CPB2: variants seen among roughly 807,000 people sequenced by gnomAD.
CPB2 encodes the protein carboxypeptidase B2.
A neutral mutation model predicts 57.0 loss-of-function variants in CPB2; 54 were observed. That is an observed-to-expected ratio of 0.95 (90% confidence interval 0.76 to 1.19). CPB2 has a LOEUF of 1.19. CPB2 is among the 50% of genes most tolerant of loss of function. The pLI, the probability that CPB2 is intolerant of heterozygous loss-of-function variation, is 0.00. For missense variants in CPB2, 426 were observed against 512.0 expected, an observed-to-expected ratio of 0.83 and a Z score of 1.62; for synonymous variants, 189 against 178.1, an observed-to-expected ratio of 1.06 and a Z score of -0.49.
chr13:46,071,338 A>G (rs1024185824), intron 6 of CPB2, among the ~76,000 whole-genome samples: 2 of 152,234 alleles, frequency 1.3e-5, no homozygotes, highest in African/African-American at 4.8e-5. Context: ...CAGGAAATTA[A>G]GAAGTTACAT....
intron 8 of CPB2, among the ~76,000 whole-genome samples, chr13:46,058,758 A>G (rs865902132): frequency 7.2e-5 from 11 of 152,346 alleles, no homozygotes; most frequent in African/African-American, 2.6e-4. Context: ...TAAAGCTACC[A>G]TCAATATAGC....
intron 2 of CPB2, among the ~76,000 whole-genome samples, chr13:46,085,161 T>C (rs1236907852): frequency 6.6e-6 from 1 of 152,192 alleles, no homozygotes; most frequent in Non-Finnish European, 1.5e-5. Context: ...TTCAAAGCAC[T>C]TTCACACTCA....
chr13:46,096,840 G>C lies in CPB2; in HGVS notation c.74+8096C>G, dbSNP rs912800339. Among the ~76,000 whole-genome samples, 5 of 152,196 alleles carry C rather than the reference G, an allele frequency of 3.3e-5. 1 individual carries two copies. Among genetic ancestry groups the C allele is most frequent in the South Asian group, 4.1e-4 (2 of 4,832 alleles). On this transcript the variant is annotated intron_variant, in intron 1 of 10. Coordinates refer to ENST00000181383, the MANE Select transcript of CPB2 (RefSeq NM_001872.5). ...TGGACTCACTCGGGTGACCGAAAGA[G>C]AGCAGAGAGGGAAATCGTCCCAAAT...
intron 2 of CPB2, 68 bp downstream of exon 2, chr13:46,087,677 G>GTAAGCC: frequency 2.0e-6 from 2 of 1,011,458 alleles, no homozygotes; most frequent in Non-Finnish European, 3.1e-6. Flanking sequence ...CAACATACAG[G>GTAAGCC]AGGAAACTCA....
intron 2 of CPB2, 44 bp downstream of exon 2, chr13:46,087,701 A>G (rs557234457): frequency 3.7e-6 from 5 of 1,361,302 alleles, no homozygotes; most frequent in South Asian, 2.4e-5. Context: ...CCCAGTGCTT[A>G]TACAAAGTGA....
intron 1 of CPB2, among the ~76,000 whole-genome samples, chr13:46,097,848 A>G (rs541188185): frequency 2.0e-5 from 3 of 152,298 alleles, no homozygotes; most frequent in Admixed American, 6.5e-5. Flanking sequence ...CTTTAAATCT[A>G]CAAATATGGA....
intron 6 of CPB2, among the ~76,000 whole-genome samples, chr13:46,072,407 C>T (rs2044956461): frequency 6.6e-6 from 1 of 152,022 alleles, no homozygotes; most frequent in Non-Finnish European, 1.5e-5. Flanking sequence ...TAGTTTTAGG[C>T]AGGCAAGAAT....
intron 6 of CPB2, among the ~76,000 whole-genome samples, chr13:46,071,441 G>A (rs1256784066): frequency 3.3e-5 from 5 of 152,164 alleles, no homozygotes; most frequent in Admixed American, 6.5e-5. Context: ...AGATCCAGAG[G>A]ATGGCTACAG....
In CPB2 at chr13:46,082,421, A is replaced by C; in HGVS notation, c.384+20T>G. The stretch of plus-strand genomic sequence containing the variant: ...GGTTAAATGAAAATAGTAGCTTTGA[A>C]GAGCTGTGTGATGGCTTACTTCATT... On this transcript the variant is annotated intron_variant, in intron 4 of 10. Transcript: ENST00000181383. 2 of 1,383,026 alleles carry C rather than the reference A, an allele frequency of 1.4e-6. No individual in the cohort carries two copies. The highest frequency in any genetic ancestry group is 2.0e-6 in the Non-Finnish European group (2 of 981,408). 85.7% of individuals were successfully genotyped at this position (1,383,026 alleles called of 1,614,324 possible). A position where few individuals can be genotyped will look rare whatever the true frequency, so the allele number is the denominator to read the frequency against.
intron 1 of CPB2, among the ~76,000 whole-genome samples, chr13:46,092,067 T>C (rs1191381117): frequency 1.3e-5 from 2 of 152,256 alleles, no homozygotes; most frequent in Admixed American, 6.5e-5. Flanking sequence ...ATTTTTCTTT[T>C]ATTTTCAAAC....
chr13:46,063,644 T>A (rs72501345), intron 8 of CPB2, among the ~76,000 whole-genome samples: 1 of 152,164 alleles, frequency 6.6e-6, no homozygotes, highest in Admixed American at 6.5e-5. Flanking sequence ...ATTGCATGTG[T>A]CTTTTGGGTA....
intron 1 of CPB2, among the ~76,000 whole-genome samples, chr13:46,102,592 G>GCTTTTTT (rs759144981): frequency 8.6e-6 from 1 of 116,300 alleles, no homozygotes; most frequent in Non-Finnish European, 1.8e-5. Context: ...CAGACTGTTA[G>GCTTTTTT]TTTTTTTTTT....
intron 1 of CPB2, among the ~76,000 whole-genome samples, chr13:46,089,513 T>C (rs1341215354): frequency 6.6e-6 from 1 of 152,116 alleles, no homozygotes; most frequent in Non-Finnish European, 1.5e-5. Flanking sequence ...ATCTCCAAGT[T>C]GAAGGAGAGC....
At position 46,078,921 on chromosome 13, in the gene CPB2, A is replaced by G. The variant is rs771323405; in HGVS notation, c.385-20T>C. ...ATAGATCTAGCAAAATGGAAACCAG[A>G]GGTTAGTCACGAAGCCAAGTTCAAA... On this transcript the variant is annotated intron_variant, in intron 4 of 10. Coordinates refer to ENST00000181383, the MANE Select transcript of CPB2 (RefSeq NM_001872.5). The G allele has an allele frequency of 6.0e-6, 9 of 1,502,602 alleles. No individual in the cohort carries two copies. Among genetic ancestry groups the G allele is most frequent in the Non-Finnish European group, 1.9e-6 (2 of 1,080,546 alleles). 93.1% of individuals were successfully genotyped at this position (1,502,602 alleles called of 1,614,324 possible).
At position 46,073,971 on chromosome 13, in the gene CPB2, C is replaced by A; in HGVS notation, c.493G>T (p.Gly165Ter). The A allele has an allele frequency of 6.4e-7, 1 of 1,574,252 alleles. No homozygotes were observed. Among genetic ancestry groups the A allele is most frequent in the Non-Finnish European group, 8.7e-7 (1 of 1,149,128 alleles). ...GCATTTTTGGCTGCTTGTTCTTTTC[C>A]AGAAACCTGCTCAAAGAAACCCCAA... ...KYPLYVLKVSGKEQAAKNAIW... is the reference protein window; with the variant it reads ...KYPLYVLKVS Residue 165 changes from glycine (G) to a stop codon, truncating the protein, a stop_gained, in exon 6 of 11, where the codon GGA becomes TGA. Transcript: ENST00000181383. LOFTEE classifies it high-confidence loss of function.
At chr13:46,089,796 A>C (rs1566415109) in intron 1 of CPB2, among the ~76,000 whole-genome samples, 1 of 152,132 alleles carries the variant, frequency 6.6e-6, no homozygotes, top group Admixed American at 6.5e-5. Context: ...CCCCAAACAC[A>C]AGAATTAGCT....
intron 1 of CPB2, chr13:46,098,570 T>C (rs1003716152): frequency 2.6e-5 from 4 of 152,346 alleles, no homozygotes; most frequent in African/African-American, 9.6e-5. Flanking sequence ...CCTCAGCTTC[T>C]GGGAGGGTTG....
intron 6 of CPB2, among the ~76,000 whole-genome samples, chr13:46,070,454 A>AT (rs2044923277): frequency 6.6e-6 from 1 of 152,088 alleles, no homozygotes; most frequent in Non-Finnish European, 1.5e-5. Flanking sequence ...GGTGGGATTG[A>AT]TTCCCATCAG....
chr13:46,059,192 T>G (rs2044737709), intron 8 of CPB2, among the ~76,000 whole-genome samples: 1 of 152,226 alleles, frequency 6.6e-6, no homozygotes. Context: ...AGCTGACACC[T>G]GTGGAGCACA....
Sources: gnomAD v4.1 joint callset for allele counts (sites outside exome capture counted in the v4.1 genomes callset) on GRCh38, gnomAD v4.1.1 for gene constraint, MANE v1.5 for transcripts, NCBI Gene and HGNC (gene_info 2026-07-23, HGNC 2026-07-21) for gene names.